Variants in RSU1 observed in about 807,000 individuals in gnomAD.
RSU1 encodes the protein rsu-1.
RSU1 carries 26 observed loss-of-function variants against 31.1 expected under a neutral mutation model. The observed-to-expected ratio is 0.84, with a 90% CI of 0.61 to 1.16. RSU1 has a LOEUF of 1.16. Ranked by LOEUF, RSU1 falls within the 50% of genes most tolerant of loss-of-function variation. The pLI, the probability that RSU1 is intolerant of heterozygous loss-of-function variation, is 0.00. For synonymous variants in RSU1, 164 were observed against 136.3 expected, an observed-to-expected ratio of 1.20 and a Z score of -1.41; for missense variants, 320 against 339.1, an observed-to-expected ratio of 0.94 and a Z score of 0.44.
rs147268503 is a variant in RSU1 at position 16,725,570 on chromosome 10, C to T, written c.598+26969G>A. 2.8e-3 allele frequency among the ~76,000 whole-genome samples: 423 copies of T among 151,974 alleles called. 3 individuals carry two copies. Among genetic ancestry groups the T allele is most frequent in the African/African-American group, 9.8e-3 (407 of 41,444 alleles). On this transcript the variant is annotated intron_variant, in intron 7 of 8. Transcript: ENST00000345264. Reference sequence around the variant, plus strand: ...CACCTAAACCCCTGTGAAAGGTATTCGGTGCGCTTATAACAGGGCTTAAGA... The same window carrying T: ...CACCTAAACCCCTGTGAAAGGTATTTGGTGCGCTTATAACAGGGCTTAAGA...
At chr10:16,664,336 G>A (rs995780913) in intron 8 of RSU1, among the ~76,000 whole-genome samples, 11 of 152,150 alleles carry the variant, frequency 7.2e-5, no homozygotes, top group East Asian at 1.9e-4. Flanking sequence ...CTAGCTCTGC[G>A]ACAGTCAATC....
chr10:16,816,514 G>T (rs748628028), intron 2 of RSU1, among the ~76,000 whole-genome samples: 1 of 152,156 alleles, frequency 6.6e-6, no homozygotes, highest in Non-Finnish European at 1.5e-5. Context: ...ACCAAGTTCG[G>T]AGAATAAATA....
At chr10:16,705,079 A>AT (rs1284306498) in intron 7 of RSU1, among the ~76,000 whole-genome samples, 1 of 152,116 alleles carries the variant, frequency 6.6e-6, no homozygotes, top group Non-Finnish European at 1.5e-5. Context: ...TATCTCTGTG[A>AT]TTTTGACTGT....
intron 2 of RSU1, among the ~76,000 whole-genome samples, chr10:16,803,607 A>G (rs1469955619): frequency 6.6e-6 from 1 of 152,216 alleles, no homozygotes; most frequent in Non-Finnish European, 1.5e-5. Context: ...GTAACAAGAC[A>G]GTGTGGAGTT....
intron 8 of RSU1, among the ~76,000 whole-genome samples, chr10:16,597,363 T>G (rs998560705): frequency 1.3e-5 from 2 of 152,194 alleles, no homozygotes; most frequent in Non-Finnish European, 2.9e-5. Context: ...TCCCACTGTG[T>G]GTGTCTGAAC....
Position 16,715,036 on chromosome 10 carries a change from TG to T in RSU1, c.599-19882del, listed in dbSNP as rs529692146. On this transcript the variant is annotated intron_variant, in intron 7 of 8. Transcript: ENST00000345264. ...CACCCCATGACTGCCAAGTCTCCAC[TG>T]GGGGAGACTGTGGCAGAGGCAGGAT... is the stretch of plus-strand genomic sequence containing the variant. Among the ~76,000 whole-genome samples the T allele has an allele frequency of 2.5e-3, 386 of 152,280 alleles. 2 individuals carry two copies. In the Middle Eastern group the frequency reaches 0.037, roughly 15 times the overall value.
At chr10:16,626,047 T>C (rs966228879) in intron 8 of RSU1, among the ~76,000 whole-genome samples, 1 of 151,946 alleles carries the variant, frequency 6.6e-6, no homozygotes, top group Non-Finnish European at 1.5e-5. Context: ...TTTTCCTTTT[T>C]TCTTTTTTTT....
At chr10:16,649,268 G>C (rs956029973) in intron 8 of RSU1, among the ~76,000 whole-genome samples, 1 of 152,134 alleles carries the variant, frequency 6.6e-6, no homozygotes, top group African/African-American at 2.4e-5. Flanking sequence ...GTATGAAAAC[G>C]AGGAATTAAA....
intron 8 of RSU1, among the ~76,000 whole-genome samples, chr10:16,598,387 TA>T (rs113857797): frequency 0.044 from 6,320 of 142,616 alleles, 414 homozygotes; most frequent in African/African-American, 0.15. Flanking sequence ...AAAAGTAAAG[TA>T]AAAAAAAAAA....
chr10:16,730,758 A>C (rs1044605569), intron 7 of RSU1, among the ~76,000 whole-genome samples: 1 of 152,166 alleles, frequency 6.6e-6, no homozygotes, highest in Non-Finnish European at 1.5e-5. Context: ...TTAACCAATA[A>C]TTTTTTCATT....
intron 8 of RSU1, among the ~76,000 whole-genome samples, chr10:16,647,771 T>C (rs759789733): frequency 4.6e-5 from 7 of 152,254 alleles, no homozygotes; most frequent in African/African-American, 7.2e-5. Flanking sequence ...TGTATGAATA[T>C]ATAAAAAGCT....
intron 8 of RSU1, among the ~76,000 whole-genome samples, chr10:16,687,907 A>G (rs11254143): frequency 0.35 from 53,621 of 151,666 alleles, 10,088 homozygotes; most frequent in East Asian, 0.56. Flanking sequence ...TTTTCTGTAC[A>G]GACGAAGTCT....
chr10:16,713,183 G>C (rs1588487083), intron 7 of RSU1, among the ~76,000 whole-genome samples: 2 of 152,138 alleles, frequency 1.3e-5, no homozygotes, highest in African/African-American at 4.8e-5. Context: ...ATGTGCCTCA[G>C]AGAGGACTGA....
chr10:16,755,331 C>T (rs2131622578), intron 4 of RSU1, among the ~76,000 whole-genome samples: 2 of 152,090 alleles, frequency 1.3e-5, no homozygotes, highest in Middle Eastern at 6.8e-3. Context: ...CCATGTTGCT[C>T]AGGCTGGTCT....
rs763918858 is a variant in RSU1 at position 16,695,152 on chromosome 10, T to C, written c.602A>G (p.Asn201Ser). The change falls in exon 8 of 9, where the codon AAC becomes AGC. Residue 201 changes from asparagine to serine, a missense_variant. Coordinates refer to ENST00000345264, the MANE Select transcript of RSU1 (RefSeq NM_012425.4). ...CTGCTTCTGGCCAGTTAAATCCAAG[T>C]TTCCTGGGGGGGGGGAAAAAAAAAG... ...RLTVLPPELG[N>S]LDLTGQKQVF... 8.1e-7 allele frequency: 1 copy of C among 1,236,576 alleles called. No individual in the cohort carries two copies. The highest frequency in any genetic ancestry group is 1.1e-6 in the Non-Finnish European group (1 of 903,760). 76.6% of individuals were successfully genotyped at this position (1,236,576 alleles called of 1,614,324 possible).
chr10:16,616,556 A>T (rs1207078653), intron 8 of RSU1, among the ~76,000 whole-genome samples: 1 of 152,164 alleles, frequency 6.6e-6, no homozygotes, highest in East Asian at 1.9e-4. Flanking sequence ...TCAGAGAGAC[A>T]ACAAAAAAAG....
At chr10:16,634,342 G>C (rs923417368) in intron 8 of RSU1, among the ~76,000 whole-genome samples, 2 of 152,266 alleles carry the variant, frequency 1.3e-5, no homozygotes, top group East Asian at 3.9e-4. Flanking sequence ...TGTTACGCTG[G>C]CTTCAAAACA....
At chr10:16,624,726 G>A (rs905120477) in intron 8 of RSU1, among the ~76,000 whole-genome samples, 1 of 152,120 alleles carries the variant, frequency 6.6e-6, no homozygotes, top group East Asian at 1.9e-4. Flanking sequence ...TCTTTGATTA[G>A]GTGGAGATTC....
chr10:16,781,658 C>A (rs10904804), intron 3 of RSU1, among the ~76,000 whole-genome samples: 36,497 of 152,044 alleles, frequency 0.24, 4,768 homozygotes, highest in African/African-American at 0.34. Flanking sequence ...GCAACAATGT[C>A]ATTTTTTTTC....
Sources: allele counts gnomAD v4.1 joint callset (sites outside exome capture counted in the v4.1 genomes callset), GRCh38; gene constraint gnomAD v4.1.1; transcripts MANE v1.5; gene names NCBI Gene and HGNC (gene_info 2026-07-23, HGNC 2026-07-21).